The following UBN1 variants were observed in gnomAD, a reference collection of about 807,000 sequenced individuals.
UBN1 encodes ubinuclein 1.
A neutral mutation model predicts 108.5 loss-of-function variants in UBN1; 17 were observed. The ratio of observed to expected loss-of-function variants is 0.16; its 90% CI spans 0.11 to 0.24. The LOEUF (loss-of-function observed/expected upper bound fraction) is 0.24, where lower values mean the gene tolerates loss of function less well. UBN1 is among the 10% of genes least tolerant of loss of function. The pLI is 1.00. For synonymous variants in UBN1, 726 were observed against 564.2 expected, an observed-to-expected ratio of 1.29 and a Z score of -4.07; for missense variants, 1,595 against 1,394.4, an observed-to-expected ratio of 1.14 and a Z score of -2.29.
intron 17 of UBN1, among the ~76,000 whole-genome samples, chr16:4,878,836 C>G (rs750482042): frequency 1.3e-5 from 2 of 152,164 alleles, no homozygotes; most frequent in African/African-American, 4.8e-5. Flanking sequence ...CATGGCAAGA[C>G]CCTATCTCTA....
intron 17 of UBN1, among the ~76,000 whole-genome samples, chr16:4,879,814 C>G (rs937886133): frequency 1.3e-5 from 2 of 152,146 alleles, no homozygotes; most frequent in Non-Finnish European, 2.9e-5. Context: ...TGACGTAGCC[C>G]AAGTTGCACA....
chr16:4,876,635 C>T (rs930218716), intron 15 of UBN1, among the ~76,000 whole-genome samples: 69 of 151,990 alleles, frequency 4.5e-4, no homozygotes, highest in African/African-American at 1.6e-3. Flanking sequence ...ATTTAATATC[C>T]TGCTTTTAAA....
intron 6 of UBN1, among the ~76,000 whole-genome samples, chr16:4,860,308 C>T (rs2087000362): frequency 6.6e-6 from 1 of 152,192 alleles, no homozygotes; most frequent in Non-Finnish European, 1.5e-5. Context: ...TTGGTCTCAC[C>T]CCAGCTTCTC....
At chr16:4,873,144 A>G in intron 14 of UBN1, 71 bp downstream of exon 14, 6 of 1,583,978 alleles carry the variant, frequency 3.8e-6, no homozygotes, top group Non-Finnish European at 5.2e-6. Flanking sequence ...GAAACAGTCA[A>G]GTGACTGTGG....
At chr16:4,856,593 A>T (rs952336050) in intron 2 of UBN1, among the ~76,000 whole-genome samples, 1 of 152,246 alleles carries the variant, frequency 6.6e-6, no homozygotes, top group Non-Finnish European at 1.5e-5. Context: ...TGGAGGTCTT[A>T]GAAAGAAGAG....
intron 1 of UBN1, among the ~76,000 whole-genome samples, chr16:4,850,583 A>T (rs2086511581): frequency 6.6e-6 from 1 of 152,170 alleles, no homozygotes; most frequent in African/African-American, 2.4e-5. Context: ...ATCTCCTTTA[A>T]CATCTTAGTA....
chr16:4,870,187 G>A (rs1390092575), intron 8 of UBN1, 25 bp from the exon 9 acceptor site: 6 of 1,613,694 alleles, frequency 3.7e-6, no homozygotes, highest in Non-Finnish European at 5.1e-6. Flanking sequence ...GCTGCAGCCG[G>A]TGGTGACTGT....
At position 4,881,211 on chromosome 16, in the gene UBN1, A is replaced by G. The variant is rs1177826555; in HGVS notation, c.*1079A>G. Reference sequence around the variant, plus strand: ...ATTCCAGTTTGTATTCTTAGGAATCATTCTTAGGCAGTGCGGCAGAAGCAG... The same window carrying G: ...ATTCCAGTTTGTATTCTTAGGAATCGTTCTTAGGCAGTGCGGCAGAAGCAG... On this transcript the variant is annotated 3_prime_UTR_variant, in exon 18 of 18. Transcript: ENST00000262376. 1 of 152,636 alleles carries G rather than the reference A, an allele frequency of 6.6e-6. No individual in the cohort carries two copies. The highest frequency in any genetic ancestry group is 1.9e-4 in the East Asian group (1 of 5,200). 9.5% of individuals were successfully genotyped at this position (152,636 alleles called of 1,614,324 possible).
chr16:4,865,807 A>G (rs2087301284), intron 7 of UBN1, among the ~76,000 whole-genome samples: 1 of 151,962 alleles, frequency 6.6e-6, no homozygotes, highest in Admixed American at 6.6e-5. Flanking sequence ...CTAAAAATAC[A>G]AAAAATTAGC....
rs745609579 is a variant in UBN1 at position 4,877,377 on chromosome 16, T to C, written c.3266-8T>C. On this transcript the variant is annotated splice_polypyrimidine_tract_variant and splice_region_variant and intron_variant, in intron 16 of 17. Coordinates refer to ENST00000262376, the MANE Select transcript of UBN1 (RefSeq NM_001079514.3). This position sits in a 1 kb window ranked among gnomAD's most constrained non-coding sequence, Gnocchi z 4.3. ...TTTGTTCTTTTCTCCCCTCCTGTTT[T>C]CTCTCAGGTCTTCTGGCTGGCTTGC... 8.7e-6 allele frequency: 14 copies of C among 1,607,612 alleles called. No individual in the cohort carries two copies. The highest frequency in any genetic ancestry group is 1.2e-5 in the Non-Finnish European group (14 of 1,176,614).
intron 15 of UBN1, among the ~76,000 whole-genome samples, chr16:4,875,724 G>A (rs1207893630): frequency 6.6e-6 from 1 of 152,162 alleles, no homozygotes; most frequent in Non-Finnish European, 1.5e-5. Flanking sequence ...GGCACAGAAT[G>A]AGCAACAGCC....
At chr16:4,855,141 G>C (rs1200130474) in intron 2 of UBN1, among the ~76,000 whole-genome samples, 1 of 152,172 alleles carries the variant, frequency 6.6e-6, no homozygotes, top group African/African-American at 2.4e-5. Context: ...TAGTGAAATG[G>C]GGATGAGGCT....
In UBN1 at chr16:4,860,769, G is replaced by C; in HGVS notation, c.777G>C (p.Gln259His). ...AATTTCAGAAAGAGAAAGAGGCTCA[G>C]AAAAAAAGGGAGGAGGAGCATAAGC... is the stretch of plus-strand genomic sequence containing the variant. The part of the protein sequence containing the change: ...LKKFQKEKEA[Q>H]KKREEEHKPV... The change falls in exon 7 of 18, where the codon CAG becomes CAC. Residue 259 changes from glutamine to histidine, a missense_variant. By Grantham distance (24) the Gln-to-His change is conservative (BLOSUM62 0). Around this residue, in one of 3 missense-constraint regions of UBN1, gnomAD observed 1,398 missense variants for 1,194.7 expected, o/e 1.17. Transcript: ENST00000262376. The C allele has an allele frequency of 6.2e-7, 1 of 1,614,170 alleles. No homozygotes were observed.
In UBN1 at chr16:4,847,745, G is replaced by A. The variant is rs967318067; in HGVS notation, c.-505G>A. The stretch of plus-strand genomic sequence containing the variant: ...GTGAGCTACCCTGACGGAGCTCGGC[G>A]CGGCCTGGAACTCAGCCTCCGCCGG... On this transcript the variant is annotated 5_prime_UTR_variant, in exon 1 of 18. Transcript: ENST00000262376. 4 of 157,926 alleles carry A rather than the reference G, an allele frequency of 2.5e-5. No homozygotes were observed. Among genetic ancestry groups the A allele is most frequent in the African/African-American group, 9.6e-5 (4 of 41,462 alleles). 9.8% of individuals were successfully genotyped at this position (157,926 alleles called of 1,614,324 possible). A position where few individuals can be genotyped will look rare whatever the true frequency, so the allele number is the denominator to read the frequency against.
intron 12 of UBN1, among the ~76,000 whole-genome samples, 173 bp from the exon 13 acceptor site, chr16:4,872,711 C>T (rs1244469801): frequency 6.6e-6 from 1 of 152,134 alleles, no homozygotes; most frequent in South Asian, 2.1e-4. Context: ...TCAGGTGATC[C>T]ACCTGCCTTG....
At chr16:4,859,306 CT>C in intron 5 of UBN1, 147 bp downstream of exon 5, 2 of 1,144,220 alleles carry the variant, frequency 1.7e-6, no homozygotes, top group Non-Finnish European at 2.5e-6. Context: ...TGGCTCGCCT[CT>C]TACACGTGTG....
chr16:4,854,614 C>T (rs1490100163), intron 2 of UBN1, among the ~76,000 whole-genome samples: 1 of 151,740 alleles, frequency 6.6e-6, no homozygotes, highest in African/African-American at 2.4e-5. Context: ...GATCCACCCA[C>T]CTCCGCCTCC....
Position 4,881,219 on chromosome 16 carries a change from G to C in UBN1, c.*1087G>C, listed in dbSNP as rs1187405738. ...TTGTATTCTTAGGAATCATTCTTAG[G>C]CAGTGCGGCAGAAGCAGGCCTCTGT... On this transcript the variant is annotated 3_prime_UTR_variant, in exon 18 of 18. Transcript: ENST00000262376. 1 of 152,616 alleles carries C rather than the reference G, an allele frequency of 6.6e-6. No homozygotes were observed. The highest frequency in any genetic ancestry group is 1.5e-5 in the Non-Finnish European group (1 of 68,062). 9.5% of individuals were successfully genotyped at this position (152,616 alleles called of 1,614,324 possible). A position where few individuals can be genotyped will look rare whatever the true frequency, so the allele number is the denominator to read the frequency against.
chr16:4,862,749 C>T (rs759039308), intron 7 of UBN1, among the ~76,000 whole-genome samples: 19 of 152,188 alleles, frequency 1.2e-4, no homozygotes, highest in Non-Finnish European at 2.5e-4. Flanking sequence ...AAGATGGGGA[C>T]AGATTTAGTG....
Sources: gnomAD v4.1 joint callset for allele counts (sites outside exome capture counted in the v4.1 genomes callset) on GRCh38, gnomAD v4.1.1 for gene constraint, gnomAD v4.1.1 regional missense constraint, Gnocchi (gnomAD v3.1) non-coding constraint, MANE v1.5 for transcripts, NCBI Gene and HGNC (gene_info 2026-07-23, HGNC 2026-07-21) for gene names.